The following FHIT variants were observed in gnomAD, a reference collection of about 807,000 sequenced individuals.
FHIT encodes the protein bis(5'-adenosyl)-triphosphatase.
FHIT carries 19 observed loss-of-function variants against 17.9 expected under a neutral mutation model. The ratio of observed to expected loss-of-function variants is 1.06; its 90% CI spans 0.74 to 1.56. The LOEUF (loss-of-function observed/expected upper bound fraction) is 1.56, where lower values mean the gene tolerates loss of function less well. Among genes scored for constraint, FHIT ranks in the 40% most tolerant of loss-of-function variants. FHIT has a pLI of 0.00. For synonymous variants in FHIT, 81 were observed against 69.7 expected (o/e 1.16, Z -0.81); for missense variants, 248 against 189.2 (o/e 1.31, Z -1.82).
chr3:61,166,018 T>C (rs148592827), intron 2 of FHIT, among the ~76,000 whole-genome samples: 6 of 152,302 alleles, frequency 3.9e-5, no homozygotes, highest in African/African-American at 1.4e-4. Context: ...AAGAAACTGT[T>C]GTCCTTTTGC....
intron 4 of FHIT, among the ~76,000 whole-genome samples, chr3:60,821,296 G>A (rs1455402811): frequency 1.3e-5 from 2 of 152,038 alleles, no homozygotes; most frequent in Admixed American, 6.6e-5. Flanking sequence ...CAACATATCC[G>A]GTGAAATCAT....
chr3:60,478,895 G>C (rs1307978415), intron 5 of FHIT, among the ~76,000 whole-genome samples: 1 of 152,164 alleles, frequency 6.6e-6, no homozygotes, highest in Non-Finnish European at 1.5e-5. Context: ...ACATAGCACA[G>C]AGTGTGCTAT....
intron 7 of FHIT, among the ~76,000 whole-genome samples, chr3:59,991,093 A>C (rs933068751): frequency 4.6e-5 from 7 of 152,040 alleles, no homozygotes; most frequent in Non-Finnish European, 7.4e-5. Context: ...TACCAGCTCC[A>C]TGAGATCAAG....
intron 4 of FHIT, among the ~76,000 whole-genome samples, chr3:60,608,988 T>G (rs1186849669): frequency 6.7e-6 from 1 of 148,908 alleles, no homozygotes; most frequent in African/African-American, 2.5e-5. Context: ...AAATATTAAA[T>G]ATATGAATGC....
rs557665886 is a variant in FHIT, at chr3:60,910,518, T to G, written c.-110-88507A>C. 4.6e-5 allele frequency among the ~76,000 whole-genome samples: 7 copies of G among 152,004 alleles called. No individual in the cohort carries two copies. In the South Asian group the frequency reaches 1.0e-3, roughly 23 times the overall value. On this transcript the variant is annotated intron_variant, in intron 3 of 9. Transcript: ENST00000492590. Reference sequence around the variant, plus strand: ...GCTCCGCCTCCCAGGTTCATGCCATTCTTCTGCCTCAGCCTCCCGAGTAGC... The same window carrying G: ...GCTCCGCCTCCCAGGTTCATGCCATGCTTCTGCCTCAGCCTCCCGAGTAGC...
chr3:60,240,540 A>G lies in FHIT; in HGVS notation c.104-226388T>C, dbSNP rs146421623. 2.5e-3 allele frequency among the ~76,000 whole-genome samples: 383 copies of G among 152,314 alleles called. 1 individual carries two copies. The highest frequency in any genetic ancestry group is 8.9e-3 in the African/African-American group (368 of 41,572). Reference sequence around the variant, plus strand: ...CTCACACATAACGAGAAAAAACATCACGGAAGCACAAATAAACTGTCTCAT... The same window carrying G: ...CTCACACATAACGAGAAAAAACATCGCGGAAGCACAAATAAACTGTCTCAT... On this transcript the variant is annotated intron_variant, in intron 5 of 9. Transcript: ENST00000492590.
chr3:60,755,484 T>G (rs150776452), intron 4 of FHIT, among the ~76,000 whole-genome samples: 11 of 152,312 alleles, frequency 7.2e-5, no homozygotes, highest in African/African-American at 2.6e-4. Flanking sequence ...GTGATCTGCA[T>G]TGGACCCATG....
intron 8 of FHIT, among the ~76,000 whole-genome samples, chr3:59,833,906 C>T (rs1301725696): frequency 6.6e-6 from 1 of 152,164 alleles, no homozygotes; most frequent in African/African-American, 2.4e-5. Context: ...TCTCCTGCCA[C>T]CTTGTGAAGA....
chr3:59,948,801 C>T (rs1706966606), intron 7 of FHIT, among the ~76,000 whole-genome samples: 1 of 152,082 alleles, frequency 6.6e-6, no homozygotes, highest in Non-Finnish European at 1.5e-5. Context: ...CTTTTGTCCA[C>T]TCTACTTGTA....
chr3:60,691,762 ATCCATC>A (rs2040997150), intron 4 of FHIT, among the ~76,000 whole-genome samples: 1 of 152,096 alleles, frequency 6.6e-6, no homozygotes, highest in South Asian at 2.1e-4. Flanking sequence ...TTCTTGACTA[ATCCATC>A]TCCTTTTCCA....
intron 5 of FHIT, among the ~76,000 whole-genome samples, chr3:60,331,493 A>C (rs1390451199): frequency 6.6e-6 from 1 of 152,150 alleles, no homozygotes; most frequent in Non-Finnish European, 1.5e-5. Context: ...CTCTGCCCTC[A>C]TGCCTGCCCT....
chr3:60,206,207 C>A (rs1201912746), intron 5 of FHIT, among the ~76,000 whole-genome samples: 1 of 150,252 alleles, frequency 6.7e-6, no homozygotes, highest in African/African-American at 2.4e-5. Flanking sequence ...GGTAGATGAT[C>A]TTCCAGTAAT....
At chr3:60,264,614 A>C (rs889857395) in intron 5 of FHIT, among the ~76,000 whole-genome samples, 1 of 152,032 alleles carries the variant, frequency 6.6e-6, no homozygotes, top group Non-Finnish European at 1.5e-5. Flanking sequence ...ACAATAGAGC[A>C]AACACTGCAT....
intron 4 of FHIT, among the ~76,000 whole-genome samples, chr3:60,566,658 G>A (rs1474281451): frequency 6.6e-6 from 1 of 152,054 alleles, no homozygotes; most frequent in Non-Finnish European, 1.5e-5. Context: ...AAGAAAAGAG[G>A]AAGTCAAATT....
intron 1 of FHIT, among the ~76,000 whole-genome samples, chr3:61,229,137 A>G (rs2040038794): frequency 6.6e-6 from 1 of 152,064 alleles, no homozygotes; most frequent in African/African-American, 2.4e-5. Context: ...TTACTTTATT[A>G]GAAAAAAAAG....
At chr3:60,774,680 T>C (rs1700160499) in intron 4 of FHIT, among the ~76,000 whole-genome samples, 1 of 152,174 alleles carries the variant, frequency 6.6e-6, no homozygotes, top group Non-Finnish European at 1.5e-5. Flanking sequence ...ATCACTACTT[T>C]TGTGCTTTGG....
At chr3:60,915,291 T>A (rs1304031679) in intron 3 of FHIT, among the ~76,000 whole-genome samples, 11 of 152,290 alleles carry the variant, frequency 7.2e-5, no homozygotes, top group African/African-American at 2.2e-4. Context: ...GGCCTCCTGA[T>A]ACCACATATA....
chr3:60,675,102 G>A (rs1408518525), intron 4 of FHIT, among the ~76,000 whole-genome samples: 1 of 152,184 alleles, frequency 6.6e-6, no homozygotes, highest in Non-Finnish European at 1.5e-5. Flanking sequence ...GGTTTACCTT[G>A]TCTCAAGGGT....
chr3:60,249,546 T>C (rs920220292), intron 5 of FHIT, among the ~76,000 whole-genome samples: 2 of 151,654 alleles, frequency 1.3e-5, no homozygotes, highest in Non-Finnish European at 2.9e-5. Flanking sequence ...GATTTTTTTT[T>C]CAACAGTTAT....
Sources: allele counts gnomAD v4.1 joint callset (sites outside exome capture counted in the v4.1 genomes callset), GRCh38; gene constraint gnomAD v4.1.1; transcripts MANE v1.5; gene names NCBI Gene and HGNC (gene_info 2026-07-23, HGNC 2026-07-21).